The following CDH20 variants were observed in gnomAD, a reference collection of about 807,000 sequenced individuals.
The protein encoded by CDH20 is cadherin-20.
CDH20 carries 29 observed loss-of-function variants against 74.2 expected under a neutral mutation model. That is an observed-to-expected ratio of 0.39 (90% CI 0.29 to 0.53). The LOEUF (loss-of-function observed/expected upper bound fraction) is 0.53. Among genes scored for constraint, CDH20 ranks in the 20% least tolerant of loss-of-function variants. The pLI, the probability that CDH20 is intolerant of heterozygous loss-of-function variation, is 0.69. For synonymous variants in CDH20, 469 were observed against 405.4 expected (o/e 1.16, Z -1.88); for missense variants, 988 against 1,048.3 (o/e 0.94, Z 0.79).
Position 61,426,186 on chromosome 18 carries a change from AAAAATAAAAT to A in CDH20, c.-152-64195_-152-64186del, listed in dbSNP as rs563363804. On this transcript the variant is annotated intron_variant, in intron 1 of 11. Coordinates refer to ENST00000262717, the MANE Select transcript of CDH20 (RefSeq NM_031891.4). The stretch of plus-strand genomic sequence containing the variant: ...AAGTCATTTTACTTCTTCCTTTCCA[AAAAATAAAAT>A]AAAATAAAATAAAATAAAATGGGAA... Among the ~76,000 whole-genome samples, 21 of 152,106 alleles carry A rather than the reference AAAAATAAAAT, an allele frequency of 1.4e-4. No homozygotes were observed. In the East Asian group the frequency reaches 1.5e-3, roughly 11 times the overall value.
At chr18:61,394,407 A>C (rs1911893686) in intron 1 of CDH20, among the ~76,000 whole-genome samples, 2 of 152,264 alleles carry the variant, frequency 1.3e-5, no homozygotes, top group Non-Finnish European at 1.5e-5. Flanking sequence ...ACTGGGGTCC[A>C]TATAAAAATG....
intron 2 of CDH20, among the ~76,000 whole-genome samples, chr18:61,496,558 C>T (rs1911169489): frequency 6.6e-6 from 1 of 152,122 alleles, no homozygotes; most frequent in African/African-American, 2.4e-5. Context: ...TCCAGGGCAC[C>T]AGCCAGCTCC....
intron 1 of CDH20, among the ~76,000 whole-genome samples, chr18:61,335,358 G>A (rs1909723595): frequency 6.6e-6 from 1 of 152,224 alleles, no homozygotes; most frequent in Non-Finnish European, 1.5e-5. Context: ...GTTGCCCAGG[G>A]TGCAGGCTTG....
chr18:61,341,872 T>C (rs1909963410), intron 1 of CDH20, among the ~76,000 whole-genome samples: 1 of 152,224 alleles, frequency 6.6e-6, no homozygotes, highest in Admixed American at 6.5e-5. Context: ...TTTGAAGTGT[T>C]ATAGTTGCGT....
intron 1 of CDH20, among the ~76,000 whole-genome samples, chr18:61,431,298 G>A (rs890954680): frequency 6.6e-6 from 1 of 152,182 alleles, no homozygotes; most frequent in Non-Finnish European, 1.5e-5. Flanking sequence ...ATGAAAGTCT[G>A]AGAAACGAAA....
intron 1 of CDH20, among the ~76,000 whole-genome samples, chr18:61,477,973 A>G (rs2429728): frequency 0.56 from 84,918 of 151,986 alleles, 24,863 homozygotes; most frequent in African/African-American, 0.75. Flanking sequence ...GGTCGAGATG[A>G]GCAGATCACT....
chr18:61,479,627 T>C (rs1006662871), intron 1 of CDH20, among the ~76,000 whole-genome samples: 5 of 151,104 alleles, frequency 3.3e-5, no homozygotes, highest in African/African-American at 1.2e-4. Context: ...TTGCCTAGGG[T>C]TTTCTTTTCT....
At chr18:61,533,529 T>C (rs1912720625) in intron 7 of CDH20, among the ~76,000 whole-genome samples, 1 of 152,242 alleles carries the variant, frequency 6.6e-6, no homozygotes. Flanking sequence ...ATATTTTGGA[T>C]ATTAGCCCCT....
chr18:61,476,202 A>G (rs1568155262), intron 1 of CDH20, among the ~76,000 whole-genome samples: 1 of 152,192 alleles, frequency 6.6e-6, no homozygotes, highest in Non-Finnish European at 1.5e-5. Flanking sequence ...CTTCAAGAAC[A>G]GCAGCATTCA....
Position 61,421,288 on chromosome 18 carries a change from C to T in CDH20, c.-152-69114C>T, listed in dbSNP as rs78248542. On this transcript the variant is annotated intron_variant, in intron 1 of 11. Transcript: ENST00000262717. Reference sequence around the variant, plus strand: ...CAAAAATATTGCAGCTAATACAGAACATTAAAAACTAGTGTAATCTAATCC... The same window carrying T: ...CAAAAATATTGCAGCTAATACAGAATATTAAAAACTAGTGTAATCTAATCC... 8.7e-3 allele frequency among the ~76,000 whole-genome samples: 1,322 copies of T among 152,142 alleles called. 5 individuals carry two copies. Among genetic ancestry groups the T allele is most frequent in the Non-Finnish European group, 0.014 (956 of 67,974 alleles).
At chr18:61,352,084 T>C (rs1013794733) in intron 1 of CDH20, among the ~76,000 whole-genome samples, 13 of 152,240 alleles carry the variant, frequency 8.5e-5, no homozygotes, top group African/African-American at 2.7e-4. Context: ...ATGCCTCTAT[T>C]TAAATGATAA....
At chr18:61,363,674 C>T (rs965142943) in intron 1 of CDH20, among the ~76,000 whole-genome samples, 1 of 151,948 alleles carries the variant, frequency 6.6e-6, no homozygotes, top group African/African-American at 2.4e-5. Context: ...TGCTACATGC[C>T]AAAAGAGAAT....
chr18:61,394,433 G>GAC (rs1911894451), intron 1 of CDH20, among the ~76,000 whole-genome samples: 1 of 152,098 alleles, frequency 6.6e-6, no homozygotes, highest in African/African-American at 2.4e-5. Flanking sequence ...CTTGTGCACA[G>GAC]ACACACACAC....
chr18:61,507,699 A>C (rs923454403), intron 6 of CDH20, 139 bp downstream of exon 6: 21 of 554,972 alleles, frequency 3.8e-5, no homozygotes, highest in South Asian at 3.7e-4. Flanking sequence ...TAAAAAAAAA[A>C]ACACACAGAA....
At chr18:61,376,263 T>TA (rs1167912165) in intron 1 of CDH20, among the ~76,000 whole-genome samples, 2 of 151,984 alleles carry the variant, frequency 1.3e-5, no homozygotes, top group African/African-American at 2.4e-5. Context: ...TCCCTTAATT[T>TA]AAAAAAAGGA....
At chr18:61,484,330 A>T (rs1174472526) in intron 1 of CDH20, among the ~76,000 whole-genome samples, 2 of 152,208 alleles carry the variant, frequency 1.3e-5, no homozygotes, top group African/African-American at 4.8e-5. Context: ...TAGTTTCATT[A>T]GCTTGATTAA....
intron 8 of CDH20, among the ~76,000 whole-genome samples, chr18:61,538,602 G>GTTTTTTTTTTTT (rs1227502362): frequency 5.9e-5 from 3 of 50,436 alleles, no homozygotes; most frequent in Non-Finnish European, 3.8e-5. Flanking sequence ...GTTTGTTTTT[G>GTTTTTTTTTTTT]TTTTTGTTTT....
rs1449247129 is a variant in CDH20, at chr18:61,554,267, G to T, written c.1978G>T (p.Glu660Ter). 1 of 1,613,926 alleles carries T rather than the reference G, an allele frequency of 6.2e-7. No homozygotes were observed. Residue 660 changes from glutamate (E) to a stop codon, truncating the protein, a stop_gained, in exon 12 of 12, where the codon GAG becomes TAG. Transcript: ENST00000262717. LOFTEE classifies it high-confidence loss of function. ...YIIDDEENIH[E>*]NIVRYDDEGG... The stretch of plus-strand genomic sequence containing the variant: ...CATCGACGACGAGGAAAACATCCAC[G>T]AGAACATCGTCCGCTACGACGACGA...
intron 1 of CDH20, among the ~76,000 whole-genome samples, chr18:61,472,537 C>T (rs62098127): frequency 0.1 from 15,711 of 152,172 alleles, 859 homozygotes; most frequent in Middle Eastern, 0.18. Flanking sequence ...GCAAAAATAG[C>T]GCACTCCGTG....
Sources: gnomAD v4.1 joint callset for allele counts (sites outside exome capture counted in the v4.1 genomes callset) on GRCh38, gnomAD v4.1.1 for gene constraint, MANE v1.5 for transcripts, NCBI Gene and HGNC (gene_info 2026-07-23, HGNC 2026-07-21) for gene names.